The following FAM227B variants were observed in gnomAD, a reference collection of about 807,000 sequenced individuals.
The protein encoded by FAM227B is protein FAM227B.
FAM227B carries 88 observed loss-of-function variants against 73.8 expected under a neutral mutation model. That is an observed-to-expected ratio of 1.19 (90% CI 1.00 to 1.42). FAM227B has a LOEUF of 1.42. Among genes scored for constraint, FAM227B ranks in the 40% most tolerant of loss-of-function variants. The pLI is 0.00. For missense variants in FAM227B, 632 were observed against 590.9 expected, an observed-to-expected ratio of 1.07 and a Z score of -0.72; for synonymous variants, 210 against 190.5, an observed-to-expected ratio of 1.10 and a Z score of -0.84.
At position 49,589,880 on chromosome 15, in the gene FAM227B, A is replaced by T. The variant is rs778260905; in HGVS notation, c.233T>A (p.Phe78Tyr). 2 of 1,606,956 alleles carry T rather than the reference A, an allele frequency of 1.2e-6. No homozygotes were observed. The highest frequency in any genetic ancestry group is 4.5e-5 in the East Asian group (2 of 44,810). Residue 78 changes from phenylalanine (F) to tyrosine (Y), a missense_variant, in exon 4 of 16, where the codon TTT becomes TAT. Physicochemically the swap from Phe to Tyr is conservative, Grantham distance 22. Coordinates refer to ENST00000299338, the MANE Select transcript of FAM227B (RefSeq NM_152647.3). Reference sequence around the variant, plus strand: ...TGATTCCATGATCAAAAGTGCTTCAAATATTCGAGGAACATTTTCCCATAG... The same window carrying T: ...TGATTCCATGATCAAAAGTGCTTCATATATTCGAGGAACATTTTCCCATAG... ...THLWENVPRI[F>Y]EALLIMESKL... is the part of the protein sequence containing the mutation.
chr15:49,475,851 G>T, intron 11 of FAM227B, among the ~76,000 whole-genome samples: 1 of 152,106 alleles, frequency 6.6e-6, no homozygotes, highest in East Asian at 1.9e-4. Context: ...AGGCGGTCGT[G>T]GTGGCGCATG....
chr15:49,592,148 ACCT>A (rs1180164031), intron 3 of FAM227B, among the ~76,000 whole-genome samples: 1 of 151,640 alleles, frequency 6.6e-6, no homozygotes, highest in African/African-American at 2.4e-5. Flanking sequence ...GTTATTACTG[ACCT>A]CCTAGAGCCT....
intron 6 of FAM227B, chr15:49,577,368 C>T: frequency 2.4e-6 from 1 of 411,296 alleles, no homozygotes; most frequent in Non-Finnish European, 4.4e-6. Context: ...CTAGCACATT[C>T]ATATGTCATA....
At chr15:49,477,039 G>A (rs538478717) in intron 11 of FAM227B, among the ~76,000 whole-genome samples, 2 of 143,220 alleles carry the variant, frequency 1.4e-5, no homozygotes, top group East Asian at 4.2e-4. Context: ...CAGCCTGGGC[G>A]ACAAAGCGAG....
At chr15:49,420,379 G>C (rs889474257) in intron 11 of FAM227B, among the ~76,000 whole-genome samples, 6 of 151,700 alleles carry the variant, frequency 4.0e-5, no homozygotes, top group Non-Finnish European at 8.8e-5. Flanking sequence ...CCTAAATAAT[G>C]AGATAGGAAG....
chr15:49,338,873 G>T (rs540891634), intron 13 of FAM227B, among the ~76,000 whole-genome samples: 1 of 151,992 alleles, frequency 6.6e-6, no homozygotes, highest in African/African-American at 2.4e-5. Context: ...TTACTTCATT[G>T]AGTTGATTTT....
At chr15:49,482,950 C>G (rs113659909) in intron 11 of FAM227B, among the ~76,000 whole-genome samples, 1 of 151,922 alleles carries the variant, frequency 6.6e-6, no homozygotes, top group Non-Finnish European at 1.5e-5. Flanking sequence ...AAAAAACCAT[C>G]GGTTTGCACT....
chr15:49,514,585 C>T (rs2059256221), intron 10 of FAM227B, among the ~76,000 whole-genome samples: 1 of 152,036 alleles, frequency 6.6e-6, no homozygotes, highest in East Asian at 1.9e-4. Flanking sequence ...AAATATTTCA[C>T]CCATTTTTAA....
intron 10 of FAM227B, among the ~76,000 whole-genome samples, chr15:49,535,350 G>A (rs2152245383): frequency 6.6e-6 from 1 of 151,598 alleles, no homozygotes; most frequent in East Asian, 1.9e-4. Context: ...CTAGAAAAAT[G>A]CAACCTATTA....
At chr15:49,522,384 A>G (rs2059853999) in intron 10 of FAM227B, among the ~76,000 whole-genome samples, 1 of 152,178 alleles carries the variant, frequency 6.6e-6, no homozygotes, top group Admixed American at 6.5e-5. Flanking sequence ...CTGGAAGCAA[A>G]TAAGACAGAG....
chr15:49,452,812 A>G (rs2052890801), intron 11 of FAM227B, among the ~76,000 whole-genome samples: 1 of 152,204 alleles, frequency 6.6e-6, no homozygotes, highest in Admixed American at 6.5e-5. Flanking sequence ...CACAGGGTGC[A>G]GGATAATATA....
At chr15:49,403,995 TCTTC>T (rs1362167382) in intron 11 of FAM227B, among the ~76,000 whole-genome samples, 1 of 152,198 alleles carries the variant, frequency 6.6e-6, no homozygotes, top group Non-Finnish European at 1.5e-5. Context: ...CTTCTTAATT[TCTTC>T]CTTAATTTCA....
At chr15:49,361,210 A>T (rs1348343168) in intron 13 of FAM227B, among the ~76,000 whole-genome samples, 1 of 152,190 alleles carries the variant, frequency 6.6e-6, no homozygotes, top group Admixed American at 6.5e-5. Flanking sequence ...AAATTAATTT[A>T]AAAAACTTAA....
intron 9 of FAM227B, among the ~76,000 whole-genome samples, chr15:49,565,436 C>A (rs1034488922): frequency 1.5e-4 from 23 of 151,592 alleles, no homozygotes; most frequent in Non-Finnish European, 3.4e-4. Flanking sequence ...TACCAGTATC[C>A]TGTTAGCTTT....
intron 3 of FAM227B, among the ~76,000 whole-genome samples, chr15:49,601,677 A>G (rs1409327823): frequency 6.6e-6 from 1 of 152,188 alleles, no homozygotes; most frequent in Non-Finnish European, 1.5e-5. Context: ...TTAAATGTAC[A>G]ATTCAATCAT....
intron 10 of FAM227B, among the ~76,000 whole-genome samples, chr15:49,539,279 C>T (rs757684369): frequency 8.5e-5 from 13 of 152,188 alleles, no homozygotes; most frequent in South Asian, 2.1e-4. Context: ...GGGTTGTTAG[C>T]GTCTTCAGCT....
intron 9 of FAM227B, among the ~76,000 whole-genome samples, chr15:49,553,563 GC>G (rs1398492586): frequency 6.6e-6 from 1 of 152,176 alleles, no homozygotes; most frequent in African/African-American, 2.4e-5. Flanking sequence ...CTGCCTGGGA[GC>G]CAGAGACTAA....
At chr15:49,407,977 G>T (rs897393014) in intron 11 of FAM227B, among the ~76,000 whole-genome samples, 1 of 152,002 alleles carries the variant, frequency 6.6e-6, no homozygotes, top group East Asian at 1.9e-4. Context: ...TTAGCATAAT[G>T]CATTTGAGAT....
Position 49,549,933 on chromosome 15 carries a change from C to T in FAM227B, c.748-8127G>A, listed in dbSNP as rs1460940623. On this transcript the variant is annotated intron_variant, in intron 9 of 15. Transcript: ENST00000299338. ...GGGGCTGACCCCCCCCACCTCCCTC[C>T]CGGATGGGGCGGCTGGCCGGGCGGG... Among the ~76,000 whole-genome samples, 5 of 127,948 alleles carry T rather than the reference C, an allele frequency of 3.9e-5. No individual in the cohort carries two copies. The East Asian group carries it at 6.8e-4, about 17-fold the overall frequency. The allele number at this position is 127,948 out of a possible 152,430, so 83.9% of individuals were successfully genotyped here. A position where few individuals can be genotyped will look rare whatever the true frequency, so the allele number is the denominator to read the frequency against.
Sources: gnomAD v4.1 joint callset for allele counts (sites outside exome capture counted in the v4.1 genomes callset) on GRCh38, gnomAD v4.1.1 for gene constraint, MANE v1.5 for transcripts, NCBI Gene and HGNC (gene_info 2026-07-23, HGNC 2026-07-21) for gene names.